The following AKAP10 variants were observed in gnomAD, a reference collection of about 807,000 sequenced individuals.
AKAP10 encodes A-kinase anchor protein 10, mitochondrial.
A neutral mutation model predicts 80.8 loss-of-function variants in AKAP10; 24 were observed. The observed-to-expected ratio is 0.30, with a 90% CI of 0.22 to 0.42. The LOEUF (loss-of-function observed/expected upper bound fraction) is 0.42. AKAP10 is among the 10% of genes least tolerant of loss of function. AKAP10 has a pLI of 1.00. For missense variants in AKAP10, 661 were observed against 794.9 expected (o/e 0.83, Z 2.03); for synonymous variants, 291 against 277.7 (o/e 1.05, Z -0.48).
chr17:19,977,127 C>A (rs1485404600), intron 1 of AKAP10, among the ~76,000 whole-genome samples: 2 of 151,992 alleles, frequency 1.3e-5, no homozygotes, highest in Non-Finnish European at 2.9e-5. Context: ...GCAGTAACTA[C>A]CCCTCCCCCC....
intron 12 of AKAP10, among the ~76,000 whole-genome samples, chr17:19,917,910 C>T (rs2042765226): frequency 6.6e-6 from 1 of 150,414 alleles, no homozygotes; most frequent in East Asian, 2.2e-4. Flanking sequence ...CCCCTCCCAC[C>T]CGACAAAAAA....
intron 8 of AKAP10, among the ~76,000 whole-genome samples, 160 bp downstream of exon 8, chr17:19,939,553 A>C (rs1215372313): frequency 6.6e-6 from 1 of 152,190 alleles, no homozygotes; most frequent in Non-Finnish European, 1.5e-5. Flanking sequence ...TTTTGTTCTA[A>C]GAACCCCCAA....
chr17:19,951,917 A>C (rs2043220015), intron 4 of AKAP10, among the ~76,000 whole-genome samples: 1 of 149,946 alleles, frequency 6.7e-6, no homozygotes, highest in South Asian at 2.1e-4. Context: ...TAAGAATTAA[A>C]AAAAAAAAAA....
At chr17:19,970,547 G>T (rs1219981980) in intron 1 of AKAP10, among the ~76,000 whole-genome samples, 1 of 152,136 alleles carries the variant, frequency 6.6e-6, no homozygotes, top group East Asian at 1.9e-4. Context: ...TCCTGGCCAA[G>T]CGCAGTGGCT....
At position 19,906,159 on chromosome 17, in the gene AKAP10, G is replaced by T. The variant is rs2042629820; in HGVS notation, c.*68C>A. On this transcript the variant is annotated 3_prime_UTR_variant, in exon 15 of 15. Coordinates refer to ENST00000225737, the MANE Select transcript of AKAP10 (RefSeq NM_007202.4). ...TGCTGTTTTCATTGGCTGTGTTGAA[G>T]AATCCAACCAAGGGAAAAAAGTTCT... 2 of 1,524,888 alleles carry T rather than the reference G, an allele frequency of 1.3e-6. No individual in the cohort carries two copies. The highest frequency in any genetic ancestry group is 1.8e-6 in the Non-Finnish European group (2 of 1,103,004). 94.5% of individuals were successfully genotyped at this position (1,524,888 alleles called of 1,614,324 possible).
rs769865088 is a variant in AKAP10, at chr17:19,931,820, G to C, written c.1626C>G (p.Asp542Glu). The C allele has an allele frequency of 3.7e-6, 6 of 1,613,484 alleles. No homozygotes were observed. The highest frequency in any genetic ancestry group is 3.3e-4 in the Middle Eastern group (2 of 6,072). The change falls in exon 10 of 15, where the codon GAC (aspartate) becomes GAG (glutamate). Residue 542 changes from aspartate (D) to glutamate (E), a missense_variant. Coordinates refer to ENST00000225737, the MANE Select transcript of AKAP10 (RefSeq NM_007202.4). ...PPDESHPGSS[D>E]SSASQSSVKK... ...CAGTCAATACCTGAGACGCAGAGCT[G>C]TCAGAACTCCCTGGGTGAGACTCAT...
intron 5 of AKAP10, among the ~76,000 whole-genome samples, chr17:19,946,269 A>AT (rs1391072253): frequency 1.1e-3 from 29 of 26,028 alleles, no homozygotes; most frequent in African/African-American, 1.5e-3. Flanking sequence ...ATATATATAT[A>AT]TATATATTTT....
intron 4 of AKAP10, among the ~76,000 whole-genome samples, chr17:19,957,024 G>T (rs1004950347): frequency 2.0e-5 from 3 of 151,994 alleles, no homozygotes; most frequent in African/African-American, 7.3e-5. Context: ...AAGATCTGAA[G>T]AAATCACTTA....
At chr17:19,974,964 C>T (rs2043546924) in intron 1 of AKAP10, among the ~76,000 whole-genome samples, 1 of 152,110 alleles carries the variant, frequency 6.6e-6, no homozygotes, top group African/African-American at 2.4e-5. Flanking sequence ...CCACCATGCC[C>T]TAGAATGATC....
chr17:19,924,576 G>T, intron 10 of AKAP10, 59 bp from the exon 11 acceptor site: 1 of 1,127,766 alleles, frequency 8.9e-7, no homozygotes, highest in Non-Finnish European at 1.2e-6. Context: ...GGCTTGGAAT[G>T]TGACAGATTT....
At chr17:19,945,112 C>T (rs1198056731) in intron 5 of AKAP10, among the ~76,000 whole-genome samples, 1 of 152,176 alleles carries the variant, frequency 6.6e-6, no homozygotes, top group East Asian at 1.9e-4. Context: ...ATGATAGACA[C>T]TGGGATAGAG....
intron 12 of AKAP10, among the ~76,000 whole-genome samples, chr17:19,914,613 A>C (rs2042724797): frequency 7.0e-6 from 1 of 143,602 alleles, no homozygotes; most frequent in African/African-American, 2.6e-5. Context: ...TGGGCAACAG[A>C]GCAAGACCCT....
At chr17:19,932,306 G>T (rs190543477) in intron 9 of AKAP10, among the ~76,000 whole-genome samples, 3 of 152,002 alleles carry the variant, frequency 2.0e-5, no homozygotes, top group Non-Finnish European at 4.4e-5. Flanking sequence ...ATAAAAATTA[G>T]CTAGGCATGG....
chr17:19,946,269 ATATATATTTTTTTTT>A (rs2043126622), intron 5 of AKAP10, among the ~76,000 whole-genome samples: 2 of 26,040 alleles, frequency 7.7e-5, no homozygotes, highest in Non-Finnish European at 1.3e-4. Context: ...ATATATATAT[ATATATATTTTTTTTT>A]TTTTTTTTTT....
At position 19,904,849 on chromosome 17, in the gene AKAP10, A is replaced by C. The variant is rs2042615916; in HGVS notation, c.*1378T>G. 6.6e-6 allele frequency: 1 copy of C among 152,062 alleles called. No individual in the cohort carries two copies. The highest frequency in any genetic ancestry group is 1.9e-4 in the East Asian group (1 of 5,202). The allele number at this position is 152,062 out of a possible 1,614,324, so 9.4% of individuals were successfully genotyped here. A position where few individuals can be genotyped will look rare whatever the true frequency, so the allele number is the denominator to read the frequency against. On this transcript the variant is annotated 3_prime_UTR_variant, in exon 15 of 15. Coordinates refer to ENST00000225737, the MANE Select transcript of AKAP10 (RefSeq NM_007202.4). ...AGTACATGAATACTTCAGCTTTAAAAGAATAACAGAGGTGGTACATAGTAC... is the reference window on the plus strand; with the variant it reads ...AGTACATGAATACTTCAGCTTTAAACGAATAACAGAGGTGGTACATAGTAC...
chr17:19,912,591 G>A (rs868425507), intron 12 of AKAP10, among the ~76,000 whole-genome samples: 3 of 151,994 alleles, frequency 2.0e-5, no homozygotes, highest in Middle Eastern at 3.4e-3. Context: ...GGTGACACGT[G>A]CCTGTAATCT....
Position 19,958,315 on chromosome 17 carries a change from A to C in AKAP10, c.576T>G (p.His192Gln). ...CAGTTAAAAAAGACGCTGTAGTTTC[A>C]TGCTTTTTAGATGGAGAGACAGGCT... The part of the protein sequence containing the change: ...LAEPVSPSKK[H>Q]ETTASFLTDS... The change falls in exon 4 of 15, where the codon CAT becomes CAG. Residue 192 changes from histidine (H) to glutamine (Q), a missense_variant. Transcript: ENST00000225737. 1 of 1,614,218 alleles carries C rather than the reference A, an allele frequency of 6.2e-7. No homozygotes were observed. Among genetic ancestry groups the C allele is most frequent in the Non-Finnish European group, 8.5e-7 (1 of 1,180,038 alleles).
intron 12 of AKAP10, among the ~76,000 whole-genome samples, chr17:19,917,268 A>G (rs1283953821): frequency 6.6e-6 from 1 of 150,794 alleles, no homozygotes; most frequent in Non-Finnish European, 1.5e-5. Context: ...CCATCTCAGG[A>G]AAAAAAAACA....
intron 1 of AKAP10, among the ~76,000 whole-genome samples, chr17:19,970,835 AT>A (rs201465331): frequency 6.6e-5 from 10 of 151,156 alleles, no homozygotes; most frequent in Non-Finnish European, 1.0e-4. Flanking sequence ...AAAAAAAAAA[AT>A]AAATAAATAA....
Sources: allele counts gnomAD v4.1 joint callset (sites outside exome capture counted in the v4.1 genomes callset), GRCh38; gene constraint gnomAD v4.1.1; transcripts MANE v1.5; gene names NCBI Gene and HGNC (gene_info 2026-07-23, HGNC 2026-07-21).